The following KPNB1 variants were observed in gnomAD, a reference collection of about 807,000 sequenced individuals.
KPNB1 encodes the protein karyopherin subunit beta 1.
A neutral mutation model predicts 113.0 loss-of-function variants in KPNB1; 7 were observed. That is an observed-to-expected ratio of 0.06 (90% confidence interval 0.04 to 0.12). KPNB1 has a LOEUF of 0.12. KPNB1 is among the 10% of genes least tolerant of loss of function. The pLI is 1.00. For missense variants in KPNB1, 400 were observed against 1,054.8 expected, an observed-to-expected ratio of 0.38 and a Z score of 8.60; for synonymous variants, 363 against 378.6, an observed-to-expected ratio of 0.96 and a Z score of 0.48.
rs1915478341 is a variant in KPNB1 at position 47,650,002 on chromosome 17, GC to G, written c.-238del. On this transcript the variant is annotated 5_prime_UTR_variant, in exon 1 of 22. Coordinates refer to ENST00000290158, the MANE Select transcript of KPNB1 (RefSeq NM_002265.6). ...CCCGAGCACCAGCGCGCTCTGAGCTGCCCCCAGGGTCCCTCCCCCGCCGCCA... is the reference window on the plus strand; with the variant it reads ...CCCGAGCACCAGCGCGCTCTGAGCTGCCCCAGGGTCCCTCCCCCGCCGCCA... The G allele has an allele frequency of 1.5e-6, 2 of 1,353,968 alleles. No homozygotes were observed. The highest frequency in any genetic ancestry group is 1.9e-6 in the Non-Finnish European group (2 of 1,058,808). 83.9% of individuals were successfully genotyped at this position (1,353,968 alleles called of 1,614,324 possible). A position where few individuals can be genotyped will look rare whatever the true frequency, so the allele number is the denominator to read the frequency against.
rs955518815 is a variant in KPNB1, at chr17:47,650,126, C to G, written c.-119C>G. ...CGGTGAATGGGTTTGTGGTGACCCC[C>G]GCCCCCCACCCCACCCTCCCTTCCC... On this transcript the variant is annotated 5_prime_UTR_variant, in exon 1 of 22. Transcript: ENST00000290158. The G allele has an allele frequency of 1.5e-4, 98 of 656,542 alleles. No homozygotes were observed. Among genetic ancestry groups the G allele is most frequent in the Non-Finnish European group, 1.9e-4 (94 of 493,338 alleles). The allele number at this position is 656,542 out of a possible 1,614,324, so 40.7% of individuals were successfully genotyped here.
intron 7 of KPNB1, 91 bp downstream of exon 7, chr17:47,663,269 A>G (rs1183824741): frequency 6.7e-6 from 5 of 750,910 alleles, no homozygotes; most frequent in South Asian, 2.8e-5. Context: ...GTAATATTTT[A>G]CTTAATACTA....
rs1242300953 is a variant in KPNB1, at chr17:47,684,583, T to G, written c.*2179T>G. ...TGGGGATAGAAAAAAAATCTGATCA[T>G]TCCTCAGTGCTACCCATTTCTGTCC... On this transcript the variant is annotated 3_prime_UTR_variant, in exon 22 of 22. Transcript: ENST00000290158. 1.3e-5 allele frequency: 2 copies of G among 151,988 alleles called. No homozygotes were observed. The highest frequency in any genetic ancestry group is 1.5e-5 in the Non-Finnish European group (1 of 67,778). 9.4% of individuals were successfully genotyped at this position (151,988 alleles called of 1,614,324 possible).
chr17:47,675,361 G>GTTGTTTGTTTTTTTTTTTTT (rs1567894260), intron 15 of KPNB1, among the ~76,000 whole-genome samples: 1 of 88,692 alleles, frequency 1.1e-5, no homozygotes, highest in Non-Finnish European at 2.3e-5. Flanking sequence ...CAGAGGTGTT[G>GTTGTTTGTTTTTTTTTTTTT]TTTTTTTTTT....
In KPNB1 at chr17:47,657,096, T is replaced by C. The variant is rs181515723; in HGVS notation, c.483+36T>C. On this transcript the variant is annotated intron_variant, in intron 4 of 21. Coordinates refer to ENST00000290158, the MANE Select transcript of KPNB1 (RefSeq NM_002265.6). The stretch of plus-strand genomic sequence containing the variant: ...GCCTAATGTATCTGGTTTATATACC[T>C]CTGATTGCCTCTAGCTGTGACATCA... 1.6e-5 allele frequency: 24 copies of C among 1,540,988 alleles called. No homozygotes were observed. The East Asian group carries it at 5.2e-4, about 33-fold the overall frequency.
At chr17:47,676,655 A>G (rs995732454) in intron 16 of KPNB1, among the ~76,000 whole-genome samples, 164 bp downstream of exon 16, 11 of 152,228 alleles carry the variant, frequency 7.2e-5, no homozygotes, top group African/African-American at 1.2e-4. Flanking sequence ...GAAGTAGTCC[A>G]TGAAAAACAG....
At chr17:47,664,082 G>T in intron 7 of KPNB1, 77 bp from the exon 8 acceptor site, 2 of 780,318 alleles carry the variant, frequency 2.6e-6, no homozygotes, top group Admixed American at 2.2e-5. Flanking sequence ...TTGCATGTCT[G>T]TGGTTAAAGC....
At chr17:47,665,940 A>G (rs2030253092) in intron 9 of KPNB1, among the ~76,000 whole-genome samples, 1 of 152,228 alleles carries the variant, frequency 6.6e-6, no homozygotes, top group Admixed American at 6.5e-5. Flanking sequence ...AGGGATGTGT[A>G]TAATTCTCAA....
At position 47,654,526 on chromosome 17, in the gene KPNB1, G is replaced by A. The variant is rs1222156461; in HGVS notation, c.282+1650G>A. 4.0e-5 allele frequency among the ~76,000 whole-genome samples: 6 copies of A among 151,726 alleles called. No homozygotes were observed. In the South Asian group the frequency reaches 1.0e-3, roughly 26 times the overall value. On this transcript the variant is annotated intron_variant, in intron 3 of 21. Transcript: ENST00000290158. ...GCCTTTTTCCCTTTCATAGCACAAC[G>A]ATAACTAATACTAAGTTTCACTGTT... is the stretch of plus-strand genomic sequence containing the variant.
rs1235987039 is a variant in KPNB1 at position 47,665,267 on chromosome 17, C to G, written c.999+109C>G. 27 of 820,270 alleles carry G rather than the reference C, an allele frequency of 3.3e-5. 1 individual carries two copies. In the South Asian group the frequency reaches 3.6e-4, roughly 11 times the overall value. The allele number at this position is 820,270 out of a possible 1,614,324, so 50.8% of individuals were successfully genotyped here. The stretch of plus-strand genomic sequence containing the variant: ...CGCAGCCCATCAACTATTTGATGTT[C>G]TGTTGTTGATGACTTAGAAACAGCT... On this transcript the variant is annotated intron_variant, in intron 9 of 21. Coordinates refer to ENST00000290158, the MANE Select transcript of KPNB1 (RefSeq NM_002265.6).
intron 3 of KPNB1, among the ~76,000 whole-genome samples, chr17:47,654,489 A>C (rs373876503): frequency 6.0e-4 from 92 of 152,238 alleles, no homozygotes; most frequent in African/African-American, 2.2e-3. Context: ...GAAAAAAGCT[A>C]ACAGTACCTT....
chr17:47,651,697 T>C (rs1915576668), intron 2 of KPNB1, among the ~76,000 whole-genome samples: 2 of 152,264 alleles, frequency 1.3e-5, no homozygotes, highest in Non-Finnish European at 2.9e-5. Flanking sequence ...ATAAAACTTT[T>C]AAGAATTATC....
rs535230993 is a variant in KPNB1, at chr17:47,684,242, T to C, written c.*1838T>C. The C allele has an allele frequency of 6.6e-6, 1 of 152,130 alleles. No homozygotes were observed. The highest frequency in any genetic ancestry group is 1.5e-5 in the Non-Finnish European group (1 of 68,022). The allele number at this position is 152,130 out of a possible 1,614,324, so 9.4% of individuals were successfully genotyped here. ...TTCCTAAGTGGGATTGGCTCAGTTT[T>C]GCCCATCCATATGGCAGCATCTCTA... On this transcript the variant is annotated 3_prime_UTR_variant, in exon 22 of 22. Coordinates refer to ENST00000290158, the MANE Select transcript of KPNB1 (RefSeq NM_002265.6).
At chr17:47,664,801 T>C (rs1432009594) in intron 8 of KPNB1, among the ~76,000 whole-genome samples, 2 of 152,142 alleles carry the variant, frequency 1.3e-5, no homozygotes, top group Admixed American at 6.5e-5. Context: ...CACTGAAATA[T>C]CAGGTTGTCC....
intron 20 of KPNB1, 27 bp downstream of exon 20, chr17:47,680,161 T>C (rs376720485): frequency 2.4e-4 from 338 of 1,401,590 alleles, no homozygotes; most frequent in Non-Finnish European, 3.1e-4. Flanking sequence ...TTCTAAGAGC[T>C]GAATAGAACT....
intron 2 of KPNB1, 118 bp downstream of exon 2, chr17:47,650,562 C>CT: frequency 1.4e-6 from 1 of 721,922 alleles, no homozygotes; most frequent in Non-Finnish European, 2.3e-6. Flanking sequence ...CCGTCCCCCT[C>CT]CCCCCTCCCC....
intron 16 of KPNB1, 115 bp from the exon 17 acceptor site, chr17:47,676,905 A>G (rs1208622202): frequency 2.1e-5 from 15 of 705,598 alleles, no homozygotes; most frequent in Non-Finnish European, 2.9e-5. Flanking sequence ...TAATCTCGGC[A>G]GAGGGATTTA....
chr17:47,657,125 A>G, intron 4 of KPNB1, 65 bp downstream of exon 4: 2 of 1,276,214 alleles, frequency 1.6e-6, no homozygotes, highest in East Asian at 2.4e-5. Context: ...GACATCAATG[A>G]TATTAGTACT....
At chr17:47,665,486 C>CTGG (rs992122479) in intron 9 of KPNB1, among the ~76,000 whole-genome samples, 2 of 152,164 alleles carry the variant, frequency 1.3e-5, no homozygotes, top group Non-Finnish European at 2.9e-5. Context: ...CAAAGATGTG[C>CTGG]TGGTTTTAGG....
Sources: gnomAD v4.1 joint callset for allele counts (sites outside exome capture counted in the v4.1 genomes callset) on GRCh38, gnomAD v4.1.1 for gene constraint, MANE v1.5 for transcripts, NCBI Gene and HGNC (gene_info 2026-07-23, HGNC 2026-07-21) for gene names.